The following TMEM117 variants were observed in gnomAD, a reference collection of about 807,000 sequenced individuals.
TMEM117 encodes the protein transmembrane protein 117.
Under a neutral mutation model 52.4 loss-of-function variants are expected in TMEM117, and 27 were observed. That is an observed-to-expected ratio of 0.51 (90% CI 0.38 to 0.71). The LOEUF is 0.71. Ranked by LOEUF, TMEM117 falls within the 30% of genes least tolerant of loss-of-function variation. The pLI is 0.00. For missense variants in TMEM117, 556 were observed against 630.5 expected, an observed-to-expected ratio of 0.88 and a Z score of 1.26; for synonymous variants, 215 against 206.3, an observed-to-expected ratio of 1.04 and a Z score of -0.36.
At chr12:44,277,393 A>G (rs898385185) in intron 5 of TMEM117, among the ~76,000 whole-genome samples, 28 of 152,226 alleles carry the variant, frequency 1.8e-4, no homozygotes, top group East Asian at 1.2e-3. Context: ...TGCATAACAA[A>G]TTACAAGAAT....
intron 2 of TMEM117, among the ~76,000 whole-genome samples, chr12:43,847,941 C>T (rs1943238221): frequency 6.6e-6 from 1 of 152,106 alleles, no homozygotes; most frequent in Admixed American, 6.5e-5. Context: ...CCAGGGGTGA[C>T]ATCACATATC....
chr12:43,862,358 CAG>C (rs1237420270), intron 2 of TMEM117, among the ~76,000 whole-genome samples: 2 of 152,138 alleles, frequency 1.3e-5, no homozygotes, highest in Non-Finnish European at 1.5e-5. Context: ...TTAGTAGAGA[CAG>C]GGTTTCACCA....
In TMEM117 at chr12:44,341,409, C is replaced by G. The variant is rs1489359862; in HGVS notation, c.769-35186C>G. 3.9e-5 allele frequency among the ~76,000 whole-genome samples: 6 copies of G among 152,056 alleles called. No individual in the cohort carries two copies. The East Asian group carries it at 1.2e-3, about 29-fold the overall frequency. On this transcript the variant is annotated intron_variant, in intron 6 of 7. Transcript: ENST00000266534. ...AACTTAGTTCACTTAAGATAATGACCTCCAGTTCCATTCATGTTGCTGTAA... is the reference window on the plus strand; with the variant it reads ...AACTTAGTTCACTTAAGATAATGACGTCCAGTTCCATTCATGTTGCTGTAA...
intron 3 of TMEM117, among the ~76,000 whole-genome samples, chr12:44,137,255 T>A (rs1407109561): frequency 6.6e-6 from 1 of 152,036 alleles, no homozygotes; most frequent in Non-Finnish European, 1.5e-5. Flanking sequence ...GCGATAACTT[T>A]CAAAAGTAAT....
chr12:43,875,062 G>A (rs1396041192), intron 2 of TMEM117, among the ~76,000 whole-genome samples: 1 of 152,182 alleles, frequency 6.6e-6, no homozygotes, highest in Non-Finnish European at 1.5e-5. Context: ...GTAAAAAACA[G>A]GTTAGCCTCT....
intron 6 of TMEM117, among the ~76,000 whole-genome samples, chr12:44,353,884 G>T (rs1951604156): frequency 6.6e-6 from 1 of 152,132 alleles, no homozygotes; most frequent in African/African-American, 2.4e-5. Context: ...AAATTACCTT[G>T]GGCAGTATGC....
At chr12:43,963,514 A>G (rs2137669732) in intron 3 of TMEM117, among the ~76,000 whole-genome samples, 1 of 152,348 alleles carries the variant, frequency 6.6e-6, no homozygotes, top group South Asian at 2.1e-4. Flanking sequence ...GGATGCTGTC[A>G]AGTTAATACA....
intron 4 of TMEM117, among the ~76,000 whole-genome samples, chr12:44,174,519 A>G (rs1299323816): frequency 1.3e-5 from 2 of 152,094 alleles, no homozygotes; most frequent in Non-Finnish European, 2.9e-5. Flanking sequence ...TGATGATGAA[A>G]TTTTATCAAT....
chr12:44,188,534 G>A (rs1270752239), intron 4 of TMEM117, among the ~76,000 whole-genome samples: 1 of 152,086 alleles, frequency 6.6e-6, no homozygotes, highest in African/African-American at 2.4e-5. Context: ...TGTCTTCAGA[G>A]GTCAGTGGAT....
At chr12:44,378,553 C>G (rs1951974553) in intron 7 of TMEM117, among the ~76,000 whole-genome samples, 1 of 152,144 alleles carries the variant, frequency 6.6e-6, no homozygotes, top group Non-Finnish European at 1.5e-5. Flanking sequence ...TACATGACTT[C>G]CATTTGAACT....
In TMEM117 at chr12:43,975,958, T is replaced by G. The variant is rs1295352587; in HGVS notation, c.410+31616T>G. Among the ~76,000 whole-genome samples the G allele has an allele frequency of 3.3e-5, 5 of 152,308 alleles. No individual in the cohort carries two copies. The East Asian group carries it at 9.6e-4, about 29-fold the overall frequency. ...CCACTGGGCTCTGGATCTGCCAGAT[T>G]CCTCAGCCTATCAGTCTTTGGGATG... On this transcript the variant is annotated intron_variant, in intron 3 of 7. Transcript: ENST00000266534.
intron 3 of TMEM117, among the ~76,000 whole-genome samples, chr12:43,995,921 C>G (rs920825205): frequency 6.6e-6 from 1 of 152,114 alleles, no homozygotes; most frequent in Non-Finnish European, 1.5e-5. Context: ...ATTCTCTGGA[C>G]AACTTTCACA....
At chr12:43,942,126 G>T (rs985502163) in intron 2 of TMEM117, among the ~76,000 whole-genome samples, 2 of 152,272 alleles carry the variant, frequency 1.3e-5, no homozygotes, top group African/African-American at 4.8e-5. Flanking sequence ...AGGGGCCCCT[G>T]AACAAAGAGA....
intron 5 of TMEM117, among the ~76,000 whole-genome samples, chr12:44,251,749 T>C (rs941484618): frequency 4.1e-4 from 63 of 152,334 alleles, no homozygotes; most frequent in African/African-American, 1.5e-3. Flanking sequence ...AAAGAAAATA[T>C]TTAAAGTCAT....
chr12:44,078,011 G>A (rs796911378), intron 3 of TMEM117, among the ~76,000 whole-genome samples: 68 of 152,048 alleles, frequency 4.5e-4, no homozygotes, highest in African/African-American at 1.6e-3. Flanking sequence ...CTACAAGCAA[G>A]TAACTCAAAA....
chr12:43,862,432 C>T (rs1238005834), intron 2 of TMEM117, among the ~76,000 whole-genome samples: 1 of 152,218 alleles, frequency 6.6e-6, no homozygotes, highest in Non-Finnish European at 1.5e-5. Flanking sequence ...GCTGGGATTA[C>T]AGGCGTGAGC....
chr12:43,901,178 T>C (rs1483950094), intron 2 of TMEM117, among the ~76,000 whole-genome samples: 1 of 152,224 alleles, frequency 6.6e-6, no homozygotes, highest in Admixed American at 6.5e-5. Context: ...TGGAAACAAA[T>C]TGTGCAAAGG....
At chr12:44,249,391 A>T (rs1037267499) in intron 5 of TMEM117, among the ~76,000 whole-genome samples, 2 of 152,214 alleles carry the variant, frequency 1.3e-5, no homozygotes, top group African/African-American at 4.8e-5. Flanking sequence ...GGAAGAATCA[A>T]TATCATGAAA....
intron 5 of TMEM117, 137 bp from the exon 6 acceptor site, chr12:44,299,443 A>G (rs1950810698): frequency 1.1e-5 from 13 of 1,181,570 alleles, no homozygotes; most frequent in South Asian, 1.8e-5. Flanking sequence ...AACTTTTTTC[A>G]TCTTCCTTTT....
Sources: gnomAD v4.1 joint callset for allele counts (sites outside exome capture counted in the v4.1 genomes callset) on GRCh38, gnomAD v4.1.1 for gene constraint, MANE v1.5 for transcripts, NCBI Gene and HGNC (gene_info 2026-07-23, HGNC 2026-07-21) for gene names.